ITPKC: variants seen among roughly 807,000 people sequenced by gnomAD.
The protein encoded by ITPKC is IP3 3-kinase C.
A neutral mutation model predicts 67.1 loss-of-function variants in ITPKC; 33 were observed. That is an observed-to-expected ratio of 0.49 (90% CI 0.37 to 0.66). The LOEUF is 0.66. Among genes scored for constraint, ITPKC ranks in the 30% least tolerant of loss-of-function variants. The probability of loss-of-function intolerance (pLI) is 0.00; values close to 1 mark genes in which losing one functional copy is unlikely to be tolerated. For missense variants in ITPKC, 820 were observed against 892.1 expected (o/e 0.92, Z 1.03); for synonymous variants, 341 against 359.8 (o/e 0.95, Z 0.59).
chr19:40,718,034 A>G lies in ITPKC; in HGVS notation c.899A>G (p.Asp300Gly), dbSNP rs375750523. 9.3e-6 allele frequency: 15 copies of G among 1,614,004 alleles called. No homozygotes were observed. Among genetic ancestry groups the G allele is most frequent in the African/African-American group, 1.3e-5 (1 of 74,880 alleles). Reference sequence around the variant, plus strand: ...GACTGCCTCTTGGGAGAGCCTGAGGATGGCCCATTAGAGGAACCAGAGCCT... The same window carrying G: ...GACTGCCTCTTGGGAGAGCCTGAGGGTGGCCCATTAGAGGAACCAGAGCCT... ...GTDCLLGEPE[D>G]GPLEEPEPGE... Residue 300 changes from aspartate (D) to glycine (G), a missense_variant, in exon 1 of 7, where the codon GAT (aspartate) becomes GGT (glycine). By Grantham distance (94) the Asp-to-Gly change is moderately conservative. Transcript: ENST00000263370.
In ITPKC at chr19:40,717,594, C is replaced by T. The variant is rs763558933; in HGVS notation, c.459C>T (p.Asp153=). The part of the protein sequence containing the change: ...DGLWTDPHRS[D]LQFQPEEASP... ...TTTGGACTGATCCGCACAGGTCCGA[C>T]CTCCAGTTTCAGCCCGAGGAGGCCA... is the stretch of plus-strand genomic sequence containing the variant. Residue 153 remains aspartate, a synonymous_variant, in exon 1 of 7, where the codon GAC becomes GAT. Coordinates refer to ENST00000263370, the MANE Select transcript of ITPKC (RefSeq NM_025194.3). 1.9e-6 allele frequency: 3 copies of T among 1,614,140 alleles called. No homozygotes were observed. The highest frequency in any genetic ancestry group is 1.6e-4 in the Middle Eastern group (1 of 6,062).
At position 40,733,348 on chromosome 19, in the gene ITPKC, G is replaced by T; in HGVS notation, c.1658G>T (p.Arg553Leu). ...TMSSTSTLGF[R>L]IEGIKKADGT... is the part of the protein sequence containing the mutation. ...AGCTCCACCTCTACCCTGGGCTTCC[G>T]GATCGAGGGCATCAAGGTGAGGACC... The change falls in exon 4 of 7, where the codon CGG becomes CTG. Residue 553 changes from arginine to leucine, a missense_variant. This residue lies in a region of ITPKC where 339 missense variants were observed against 422.0 expected (regional missense o/e 0.80). Transcript: ENST00000263370. 6.2e-7 allele frequency: 1 copy of T among 1,610,492 alleles called. No homozygotes were observed. The highest frequency in any genetic ancestry group is 8.5e-7 in the Non-Finnish European group (1 of 1,178,368).
At position 40,717,470 on chromosome 19, in the gene ITPKC, AGACG is replaced by A; in HGVS notation, c.338_341del (p.Thr113SerfsTer11). On this transcript the variant is annotated frameshift_variant, in exon 1 of 7. Coordinates refer to ENST00000263370, the MANE Select transcript of ITPKC (RefSeq NM_025194.3). LOFTEE classifies it high-confidence loss of function. ...GTAGAGACCGAGAGGCCCAAGCAAA[AGACG>A]GAGCCAGACAGGTCCAGCCTCCGGA... The A allele has an allele frequency of 6.2e-7, 1 of 1,614,070 alleles. No homozygotes were observed. The highest frequency in any genetic ancestry group is 8.5e-7 in the Non-Finnish European group (1 of 1,179,986).
chr19:40,724,381 C>T (rs12978970), intron 1 of ITPKC, among the ~76,000 whole-genome samples: 377 of 152,166 alleles, frequency 2.5e-3, no homozygotes, highest in Admixed American at 7.0e-3. Flanking sequence ...CGGAGTGAGA[C>T]CCGGTCTCTA....
At chr19:40,737,188 T>C (rs1037325690) in intron 5 of ITPKC, 101 bp downstream of exon 5, 3 of 814,312 alleles carry the variant, frequency 3.7e-6, no homozygotes, top group South Asian at 3.1e-5. Flanking sequence ...GGGGCTGGAC[T>C]GATACTGGCT....
Position 40,725,417 on chromosome 19 carries a change from G to T in ITPKC, c.1233G>T (p.Trp411Cys). 6.2e-7 allele frequency: 1 copy of T among 1,611,970 alleles called. No homozygotes were observed. The highest frequency in any genetic ancestry group is 1.7e-5 in the Admixed American group (1 of 60,020). The part of the protein sequence containing the change: ...FVVSFRKHYP[W>C]VQLSGHAGNF... ...TCTCCTTCCGAAAACACTACCCTTG[G>T]GTCCAGCTTTCTGGACATGCTGGTA... Residue 411 changes from tryptophan to cysteine, a missense_variant, in exon 2 of 7, where the codon TGG becomes TGT. Coordinates refer to ENST00000263370, the MANE Select transcript of ITPKC (RefSeq NM_025194.3).
chr19:40,734,741 C>T (rs890097260), intron 4 of ITPKC, among the ~76,000 whole-genome samples: 1 of 149,168 alleles, frequency 6.7e-6, no homozygotes, highest in Admixed American at 6.7e-5. Flanking sequence ...CCTGACTTGA[C>T]GTGATTACTG....
chr19:40,733,154 G>A lies in ITPKC; in HGVS notation c.1470-6G>A, dbSNP rs749634540. ...ATTTCCTTTGTCACATCCTCTGTGT[G>A]CTCAGGACCTATCTGGAAGAGGAGC... On this transcript the variant is annotated splice_polypyrimidine_tract_variant and splice_region_variant and intron_variant, in intron 3 of 6. Coordinates refer to ENST00000263370, the MANE Select transcript of ITPKC (RefSeq NM_025194.3). The A allele has an allele frequency of 1.2e-6, 2 of 1,613,704 alleles. No homozygotes were observed. The highest frequency in any genetic ancestry group is 1.7e-6 in the Non-Finnish European group (2 of 1,179,620).
chr19:40,737,455 G>T (rs2082299967), intron 5 of ITPKC, among the ~76,000 whole-genome samples: 1 of 152,190 alleles, frequency 6.6e-6, no homozygotes, highest in African/African-American at 2.4e-5. Context: ...TGGATCGAGG[G>T]GTCTGGAGAC....
At chr19:40,720,361 G>A (rs1472086659) in intron 1 of ITPKC, among the ~76,000 whole-genome samples, 2 of 147,662 alleles carry the variant, frequency 1.4e-5, no homozygotes, top group Non-Finnish European at 3.0e-5. Flanking sequence ...AGCAAGACTC[G>A]GTCTCAAAAA....
intron 1 of ITPKC, among the ~76,000 whole-genome samples, chr19:40,722,631 T>TTGACATGCTTGTG (rs2082227569): frequency 6.6e-6 from 1 of 152,198 alleles, no homozygotes; most frequent in Non-Finnish European, 1.5e-5. Context: ...GCTAAGGGAC[T>TTGACATGCTTGTG]TGACATGCTT....
chr19:40,724,421 A>G lies in ITPKC; in HGVS notation c.1156-919A>G, dbSNP rs571978844. On this transcript the variant is annotated intron_variant, in intron 1 of 6. Coordinates refer to ENST00000263370, the MANE Select transcript of ITPKC (RefSeq NM_025194.3). The stretch of plus-strand genomic sequence containing the variant: ...AAAACAAAACAAACAAAAAACAACA[A>G]TCCCCAGTTCAGGAGGGCAGGGACA... Among the ~76,000 whole-genome samples, 103 of 152,126 alleles carry G rather than the reference A, an allele frequency of 6.8e-4. 1 individual carries two copies. Among genetic ancestry groups the G allele is most frequent in the African/African-American group, 2.4e-3 (99 of 41,514 alleles).
At chr19:40,728,982 C>T (rs1320590864) in intron 2 of ITPKC, among the ~76,000 whole-genome samples, 3 of 151,886 alleles carry the variant, frequency 2.0e-5, no homozygotes, top group South Asian at 2.1e-4. Context: ...GAGCCGAGAT[C>T]GCACCATTGC....
intron 1 of ITPKC, among the ~76,000 whole-genome samples, chr19:40,718,546 A>G (rs932418048): frequency 2.2e-4 from 34 of 152,134 alleles, no homozygotes; most frequent in African/African-American, 8.2e-4. Context: ...AGGGCCACTG[A>G]CCGACTTTAT....
chr19:40,729,927 G>A (rs1253862389), intron 3 of ITPKC, among the ~76,000 whole-genome samples: 1 of 152,084 alleles, frequency 6.6e-6, no homozygotes, highest in Non-Finnish European at 1.5e-5. Flanking sequence ...CATTCCGATG[G>A]GTTTGGAATA....
rs1257391274 is a variant in ITPKC at position 40,739,877 on chromosome 19, C to G, written c.*317C>G. 2 of 392,690 alleles carry G rather than the reference C, an allele frequency of 5.1e-6. No individual in the cohort carries two copies. Among genetic ancestry groups the G allele is most frequent in the African/African-American group, 4.1e-5 (2 of 48,788 alleles). The allele number at this position is 392,690 out of a possible 1,614,324, so 24.3% of individuals were successfully genotyped here. A position where few individuals can be genotyped will look rare whatever the true frequency, so the allele number is the denominator to read the frequency against. On this transcript the variant is annotated 3_prime_UTR_variant, in exon 7 of 7. Transcript: ENST00000263370. ...GGGGCTGCCCTGAGAGCATTCAGTT[C>G]ACATGTCACAGGGTATGGTGTGACA...
chr19:40,718,123 CTCA>C lies in ITPKC; in HGVS notation c.993_995del (p.Ile332del), dbSNP rs1252495511. ...TAGCCCCCTGTGCCCTGTGCCCCGC[CTCA>C]TCATTACCCCTGAGACCCCTGAGCC... On this transcript the variant is annotated inframe_deletion, in exon 1 of 7. Transcript: ENST00000263370. 1 of 1,611,670 alleles carries C rather than the reference CTCA, an allele frequency of 6.2e-7. No homozygotes were observed. Among genetic ancestry groups the C allele is most frequent in the Non-Finnish European group, 8.5e-7 (1 of 1,179,474 alleles).
rs2082314310 is a variant in ITPKC, at chr19:40,739,638, G to A, written c.*78G>A. ...CCCTGAGATGCCATGGGAGGCCTGA[G>A]GTTGGCCACGGGGGAGCTGGCCTCC... On this transcript the variant is annotated 3_prime_UTR_variant, in exon 7 of 7. Coordinates refer to ENST00000263370, the MANE Select transcript of ITPKC (RefSeq NM_025194.3). 7.6e-7 allele frequency: 1 copy of A among 1,322,994 alleles called. No individual in the cohort carries two copies. Among genetic ancestry groups the A allele is most frequent in the Admixed American group, 2.1e-5 (1 of 47,714 alleles). 82.0% of individuals were successfully genotyped at this position (1,322,994 alleles called of 1,614,324 possible). A position where few individuals can be genotyped will look rare whatever the true frequency, so the allele number is the denominator to read the frequency against.
At chr19:40,727,075 C>T (rs935371021) in intron 2 of ITPKC, among the ~76,000 whole-genome samples, 1 of 152,126 alleles carries the variant, frequency 6.6e-6, no homozygotes. Flanking sequence ...TGGCTCACGC[C>T]TGTAATCCCA....
Sources: gnomAD v4.1 joint callset for allele counts (sites outside exome capture counted in the v4.1 genomes callset) on GRCh38, gnomAD v4.1.1 for gene constraint, gnomAD v4.1.1 regional missense constraint, MANE v1.5 for transcripts, NCBI Gene and HGNC (gene_info 2026-07-23, HGNC 2026-07-21) for gene names.